Variants in ZFAND3 observed in about 807,000 individuals in gnomAD.
ZFAND3 encodes zinc finger AN1-type containing 3, also known as AN1-type zinc finger protein 3.
A neutral mutation model predicts 29.6 loss-of-function variants in ZFAND3; 10 were observed. The observed-to-expected ratio is 0.34, with a 90% confidence interval of 0.21 to 0.57. The LOEUF is 0.57. ZFAND3 is among the 20% of genes least tolerant of loss of function. The pLI is 0.86. For missense variants in ZFAND3, 230 were observed against 304.5 expected (o/e 0.76, Z 1.82); for synonymous variants, 128 against 112.6 (o/e 1.14, Z -0.87).
intron 1 of ZFAND3, among the ~76,000 whole-genome samples, chr6:37,921,986 C>T (rs1761389997): frequency 6.6e-6 from 1 of 151,898 alleles, no homozygotes; most frequent in Non-Finnish European, 1.5e-5. Context: ...ATGGCTTGTG[C>T]CCAGGAGGCG....
intron 1 of ZFAND3, among the ~76,000 whole-genome samples, chr6:37,901,782 T>G (rs1483553555): frequency 1.3e-5 from 2 of 152,232 alleles, no homozygotes; most frequent in African/African-American, 4.8e-5. Flanking sequence ...ATGTTCTGTT[T>G]GCTGCATCTG....
intron 2 of ZFAND3, among the ~76,000 whole-genome samples, chr6:37,950,582 C>A (rs1174891833): frequency 6.6e-6 from 1 of 151,854 alleles, no homozygotes; most frequent in Non-Finnish European, 1.5e-5. Context: ...TTTCACCATC[C>A]TGGCCAGGCT....
rs1028689685 is a variant in ZFAND3, at chr6:37,875,225, C to G, written c.72-54734C>G. ...AAAATAATAGACTCACCCTGGCCCC[C>G]CAATTGGAGATATTTTTGGGAGTGG... On this transcript the variant is annotated intron_variant, in intron 1 of 5. Coordinates refer to ENST00000287218, the MANE Select transcript of ZFAND3 (RefSeq NM_021943.3). Among the ~76,000 whole-genome samples, 8 of 152,118 alleles carry G rather than the reference C, an allele frequency of 5.3e-5. No homozygotes were observed. The East Asian group carries it at 7.7e-4, about 15-fold the overall frequency.
chr6:37,984,144 G>A (rs1163236186), intron 2 of ZFAND3, among the ~76,000 whole-genome samples: 1 of 152,094 alleles, frequency 6.6e-6, no homozygotes, highest in Non-Finnish European at 1.5e-5. Flanking sequence ...AAATAAGATC[G>A]CTAAACTTCC....
At chr6:37,862,957 ATTTC>A (rs1219083953) in intron 1 of ZFAND3, among the ~76,000 whole-genome samples, 1 of 150,092 alleles carries the variant, frequency 6.7e-6, no homozygotes, top group African/African-American at 2.5e-5. Flanking sequence ...AAAATCCCCT[ATTTC>A]TTATTTAATC....
intron 2 of ZFAND3, among the ~76,000 whole-genome samples, chr6:38,048,168 G>A (rs562476884): frequency 6.6e-6 from 1 of 151,838 alleles, no homozygotes; most frequent in East Asian, 2.0e-4. Flanking sequence ...ATTATGCCTG[G>A]CCAATTTTTG....
intron 2 of ZFAND3, among the ~76,000 whole-genome samples, chr6:37,988,929 G>A (rs1321921095): frequency 6.6e-6 from 1 of 151,416 alleles, no homozygotes; most frequent in Non-Finnish European, 1.5e-5. Context: ...TTTTGAGACA[G>A]AGTCTTGCTC....
chr6:37,856,323 T>G (rs1338158191), intron 1 of ZFAND3, among the ~76,000 whole-genome samples: 1 of 152,224 alleles, frequency 6.6e-6, no homozygotes. Context: ...GTCTTACTTC[T>G]GTCAGGCTCA....
intron 2 of ZFAND3, among the ~76,000 whole-genome samples, chr6:38,052,991 G>T (rs1764056591): frequency 6.7e-6 from 1 of 150,366 alleles, no homozygotes; most frequent in South Asian, 2.1e-4. Flanking sequence ...CCAAGATCGT[G>T]CCACTGCACT....
At chr6:38,076,323 G>A (rs1196063874) in intron 3 of ZFAND3, among the ~76,000 whole-genome samples, 1 of 152,024 alleles carries the variant, frequency 6.6e-6, no homozygotes, top group East Asian at 1.9e-4. Flanking sequence ...TCATTGAGAA[G>A]CCAAAAAATT....
In ZFAND3 at chr6:37,875,831, G is replaced by T. The variant is rs1482440386; in HGVS notation, c.72-54128G>T. On this transcript the variant is annotated intron_variant, in intron 1 of 5. Transcript: ENST00000287218. ...GCACAACCATGCCTGGTTAATTTTT[G>T]ATTTTTTTTTTTTTTTATTGGTAAA... 5.3e-5 allele frequency among the ~76,000 whole-genome samples: 7 copies of T among 132,884 alleles called. No homozygotes were observed. In the South Asian group the frequency reaches 1.6e-3, roughly 31 times the overall value. The allele number at this position is 132,884 out of a possible 152,430, so 87.2% of individuals were successfully genotyped here.
intron 1 of ZFAND3, among the ~76,000 whole-genome samples, chr6:37,917,071 A>G (rs1272820407): frequency 6.6e-6 from 1 of 152,192 alleles, no homozygotes; most frequent in Non-Finnish European, 1.5e-5. Flanking sequence ...TGTTCTGTTA[A>G]TTATTGTTGT....
At chr6:38,058,179 G>T (rs1385323599) in intron 2 of ZFAND3, among the ~76,000 whole-genome samples, 1 of 152,132 alleles carries the variant, frequency 6.6e-6, no homozygotes, top group Non-Finnish European at 1.5e-5. Flanking sequence ...ACCTTCAAAG[G>T]CTTATTGTGC....
At chr6:37,826,917 A>G in intron 1 of ZFAND3, among the ~76,000 whole-genome samples, 1 of 152,244 alleles carries the variant, frequency 6.6e-6, no homozygotes, top group African/African-American at 2.4e-5. Flanking sequence ...TCACTAGCTC[A>G]GTAACTAGTG....
At chr6:37,823,899 C>G (rs1443010569) in intron 1 of ZFAND3, among the ~76,000 whole-genome samples, 1 of 151,910 alleles carries the variant, frequency 6.6e-6, no homozygotes, top group Non-Finnish European at 1.5e-5. Context: ...TCAAGTGATT[C>G]TCCTGCCCCA....
At chr6:37,840,036 T>C (rs1764043763) in intron 1 of ZFAND3, among the ~76,000 whole-genome samples, 1 of 152,210 alleles carries the variant, frequency 6.6e-6, no homozygotes, top group East Asian at 1.9e-4. Flanking sequence ...GTCACAAATA[T>C]TTACACTATG....
At chr6:37,863,434 G>A (rs1045437511) in intron 1 of ZFAND3, among the ~76,000 whole-genome samples, 3 of 152,116 alleles carry the variant, frequency 2.0e-5, no homozygotes, top group Non-Finnish European at 4.4e-5. Context: ...CAACCTACAG[G>A]TAGTTTAAAC....
chr6:37,839,775 A>C (rs1561906760), intron 1 of ZFAND3, among the ~76,000 whole-genome samples: 1 of 151,952 alleles, frequency 6.6e-6, no homozygotes, highest in Non-Finnish European at 1.5e-5. Context: ...CGCCTCCCAA[A>C]GTGCTGGGAT....
chr6:38,011,109 G>A (rs9380713), intron 2 of ZFAND3, among the ~76,000 whole-genome samples: 4 of 151,954 alleles, frequency 2.6e-5, no homozygotes, highest in South Asian at 2.1e-4. Context: ...GTTTCAATTC[G>A]CATAATACGT....
Sources: allele counts gnomAD v4.1 joint callset (sites outside exome capture counted in the v4.1 genomes callset), GRCh38; gene constraint gnomAD v4.1.1; transcripts MANE v1.5; gene names NCBI Gene and HGNC (gene_info 2026-07-23, HGNC 2026-07-21).